The following UBE2QL1 variants were observed in gnomAD, a reference collection of about 807,000 sequenced individuals.
The protein encoded by UBE2QL1 is ubiquitin conjugating enzyme E2 QL1, also known as ubiquitin-conjugating enzyme E2Q-like protein 1.
UBE2QL1 carries 5 observed loss-of-function variants against 12.6 expected under a neutral mutation model. The observed-to-expected ratio is 0.40, with a 90% CI of 0.21 to 0.83. The LOEUF (loss-of-function observed/expected upper bound fraction) is 0.83, where lower values mean the gene tolerates loss of function less well. Among genes scored for constraint, UBE2QL1 ranks in the 40% least tolerant of loss-of-function variants. The probability of loss-of-function intolerance (pLI) is 0.37; values close to 1 mark genes in which losing one functional copy is unlikely to be tolerated. For synonymous variants in UBE2QL1, 96 were observed against 94.5 expected, an observed-to-expected ratio of 1.02 and a Z score of -0.10; for missense variants, 99 against 222.6, an observed-to-expected ratio of 0.44 and a Z score of 3.53.
At chr5:6,458,247 G>A (rs969757557) in intron 1 of UBE2QL1, among the ~76,000 whole-genome samples, 10 of 152,130 alleles carry the variant, frequency 6.6e-5, no homozygotes, top group Admixed American at 2.6e-4. Flanking sequence ...AGGCATTCTC[G>A]AGGTGTTTGA....
At chr5:6,462,453 A>G (rs1739691942) in intron 1 of UBE2QL1, among the ~76,000 whole-genome samples, 1 of 152,162 alleles carries the variant, frequency 6.6e-6, no homozygotes, top group Non-Finnish European at 1.5e-5. Context: ...CTGTGTTCTC[A>G]TGCTCCCGAG....
chr5:6,467,097 C>A (rs1270200417), intron 1 of UBE2QL1, among the ~76,000 whole-genome samples: 20 of 152,086 alleles, frequency 1.3e-4, no homozygotes, highest in Non-Finnish European at 2.8e-4. Context: ...TGTAGTCCTT[C>A]CCTGATTGAA....
At chr5:6,488,062 G>T (rs116335706) in intron 1 of UBE2QL1, among the ~76,000 whole-genome samples, 1 of 152,216 alleles carries the variant, frequency 6.6e-6, no homozygotes, top group Non-Finnish European at 1.5e-5. Flanking sequence ...AATTGTAAAC[G>T]TGGGTGTAAG....
At chr5:6,450,307 C>T (rs1739388708) in intron 1 of UBE2QL1, among the ~76,000 whole-genome samples, 1 of 152,150 alleles carries the variant, frequency 6.6e-6, no homozygotes, top group Non-Finnish European at 1.5e-5. Flanking sequence ...AAACAGTTCT[C>T]CTGAGCCTTC....
At chr5:6,484,932 T>C (rs1734435003) in intron 1 of UBE2QL1, among the ~76,000 whole-genome samples, 1 of 151,868 alleles carries the variant, frequency 6.6e-6, no homozygotes. Flanking sequence ...GAGCCTTCCC[T>C]CAGGTTACTG....
At chr5:6,467,934 T>C (rs1364855701) in intron 1 of UBE2QL1, among the ~76,000 whole-genome samples, 1 of 152,228 alleles carries the variant, frequency 6.6e-6, no homozygotes, top group African/African-American at 2.4e-5. Context: ...CCTTTATCTC[T>C]TACGCCTGAC....
intron 1 of UBE2QL1, among the ~76,000 whole-genome samples, chr5:6,461,550 C>CGCCT (rs1553987878): frequency 8.1e-6 from 1 of 124,066 alleles, no homozygotes; most frequent in African/African-American, 2.9e-5. Context: ...ACCACCCCCC[C>CGCCT]CCGCCGGCAT....
In UBE2QL1 at chr5:6,481,531, C is replaced by T. The variant is rs924245601; in HGVS notation, c.355-9687C>T. On this transcript the variant is annotated intron_variant, in intron 1 of 1. Coordinates refer to ENST00000399816, the MANE Select transcript of UBE2QL1 (RefSeq NM_001145161.3). The surrounding 1 kb of genome is among the most constrained non-coding windows in gnomAD (Gnocchi z 4.5). ...CATTTAGGTTCCCTGGTGTGAGCTC[C>T]CACCACTATACCCAGCAGCCTCCTG... Among the ~76,000 whole-genome samples, 17 of 152,186 alleles carry T rather than the reference C, an allele frequency of 1.1e-4. No individual in the cohort carries two copies. Among genetic ancestry groups the T allele is most frequent in the African/African-American group, 7.2e-5 (3 of 41,442 alleles).
chr5:6,470,435 A>T (rs1739886901), intron 1 of UBE2QL1, among the ~76,000 whole-genome samples: 1 of 152,244 alleles, frequency 6.6e-6, no homozygotes, highest in Non-Finnish European at 1.5e-5. Flanking sequence ...GTACATGCTA[A>T]GGTAGAGAAT....
At chr5:6,461,834 C>T (rs1739673384) in intron 1 of UBE2QL1, among the ~76,000 whole-genome samples, 1 of 152,188 alleles carries the variant, frequency 6.6e-6, no homozygotes, top group African/African-American at 2.4e-5. Context: ...CTTAAAGGCC[C>T]TCCATCCCCA....
At chr5:6,460,474 C>G (rs1347017386) in intron 1 of UBE2QL1, among the ~76,000 whole-genome samples, 1 of 152,156 alleles carries the variant, frequency 6.6e-6, no homozygotes, top group Non-Finnish European at 1.5e-5. Context: ...TGTTTCCGTC[C>G]ATGACTGTGT....
chr5:6,493,969 C>T lies in UBE2QL1; in HGVS notation c.*2620C>T, dbSNP rs1476629454. The T allele has an allele frequency of 1.3e-5, 2 of 152,268 alleles. No homozygotes were observed. The highest frequency in any genetic ancestry group is 4.8e-5 in the African/African-American group (2 of 41,436). 9.4% of individuals were successfully genotyped at this position (152,268 alleles called of 1,614,324 possible). ...CACGTTCCCACACAAGCCAAGGAAC[C>T]TATTCCTCTTTGGACAGACAGCGAG... On this transcript the variant is annotated 3_prime_UTR_variant, in exon 2 of 2. Transcript: ENST00000399816.
chr5:6,460,771 T>G (rs149773067), intron 1 of UBE2QL1, among the ~76,000 whole-genome samples: 392 of 152,342 alleles, frequency 2.6e-3, no homozygotes, highest in African/African-American at 9.0e-3. Context: ...AGAAGAATAT[T>G]CTTATTTAAA....
chr5:6,467,295 G>A (rs1411202172), intron 1 of UBE2QL1, among the ~76,000 whole-genome samples: 1 of 152,032 alleles, frequency 6.6e-6, no homozygotes, highest in African/African-American at 2.4e-5. Flanking sequence ...AGTCCCCACA[G>A]GCTGGGGGCT....
intron 1 of UBE2QL1, among the ~76,000 whole-genome samples, chr5:6,450,039 G>C (rs1739381489): frequency 6.6e-6 from 1 of 151,796 alleles, no homozygotes; most frequent in African/African-American, 2.4e-5. Context: ...ACTCACTCTA[G>C]AGAGGCGGCG....
At chr5:6,458,934 C>T (rs1246702661) in intron 1 of UBE2QL1, among the ~76,000 whole-genome samples, 1 of 152,146 alleles carries the variant, frequency 6.6e-6, no homozygotes, top group Non-Finnish European at 1.5e-5. Context: ...CTGCAGCGCA[C>T]ATGTGCCTGC....
chr5:6,484,556 A>G (rs1219512389), intron 1 of UBE2QL1, among the ~76,000 whole-genome samples: 2 of 152,142 alleles, frequency 1.3e-5, no homozygotes, highest in Non-Finnish European at 2.9e-5. Flanking sequence ...TCAACATTTA[A>G]TGAGATGAGA....
At chr5:6,467,029 T>C (rs1244204649) in intron 1 of UBE2QL1, among the ~76,000 whole-genome samples, 1 of 152,200 alleles carries the variant, frequency 6.6e-6, no homozygotes, top group Non-Finnish European at 1.5e-5. Context: ...TTAAGTAACT[T>C]AATGTTAGGG....
chr5:6,460,225 G>A lies in UBE2QL1; in HGVS notation c.354+10978G>A, dbSNP rs975118803. On this transcript the variant is annotated intron_variant, in intron 1 of 1. Coordinates refer to ENST00000399816, the MANE Select transcript of UBE2QL1 (RefSeq NM_001145161.3). The stretch of plus-strand genomic sequence containing the variant: ...TGAGCATCAGATGCCTCCCCTAAAG[G>A]CAAGGAGCATAAACCCAACTGCTCA... Among the ~76,000 whole-genome samples, 4 of 152,144 alleles carry A rather than the reference G, an allele frequency of 2.6e-5. No individual in the cohort carries two copies. In the South Asian group the frequency reaches 6.2e-4, roughly 24 times the overall value.
Sources: gnomAD v4.1 joint callset for allele counts (sites outside exome capture counted in the v4.1 genomes callset) on GRCh38, gnomAD v4.1.1 for gene constraint, Gnocchi (gnomAD v3.1) non-coding constraint, MANE v1.5 for transcripts, NCBI Gene and HGNC (gene_info 2026-07-23, HGNC 2026-07-21) for gene names.